The following RIN3 variants were observed in gnomAD, a reference collection of about 807,000 sequenced individuals.
RIN3 encodes Ras and Rab interactor 3, also known as RAB5 interacting protein 3.
A neutral mutation model predicts 76.3 loss-of-function variants in RIN3; 54 were observed. That is an observed-to-expected ratio of 0.71 (90% confidence interval 0.57 to 0.89). RIN3 has a LOEUF of 0.89. Among genes scored for constraint, RIN3 ranks in the 40% least tolerant of loss-of-function variants. The pLI, the probability that RIN3 is intolerant of heterozygous loss-of-function variation, is 0.00. For synonymous variants in RIN3, 576 were observed against 564.0 expected, an observed-to-expected ratio of 1.02 and a Z score of -0.30; for missense variants, 1,256 against 1,322.1, an observed-to-expected ratio of 0.95 and a Z score of 0.78.
chr14:92,594,548 T>A (rs1566859172), intron 3 of RIN3, among the ~76,000 whole-genome samples: 1 of 152,128 alleles, frequency 6.6e-6, no homozygotes, highest in Non-Finnish European at 1.5e-5. Context: ...CTTGGAGATT[T>A]AACAACACAC....
intron 4 of RIN3, among the ~76,000 whole-genome samples, chr14:92,621,543 G>A (rs898193609): frequency 6.6e-6 from 1 of 152,164 alleles, no homozygotes; most frequent in Non-Finnish European, 1.5e-5. Flanking sequence ...AAAACTGTTG[G>A]GGGTGGGGAG....
Position 92,623,809 on chromosome 14 carries a change from G to A in RIN3, c.440+8330G>A, listed in dbSNP as rs1566873161. Among the ~76,000 whole-genome samples the A allele has an allele frequency of 6.6e-6, 1 of 152,182 alleles. No individual in the cohort carries two copies. Among genetic ancestry groups the A allele is most frequent in the Non-Finnish European group, 1.5e-5 (1 of 68,044 alleles). On this transcript the variant is annotated intron_variant, in intron 4 of 9. Coordinates refer to ENST00000216487, the MANE Select transcript of RIN3 (RefSeq NM_024832.5). The surrounding 1 kb of genome is among the most constrained non-coding windows in gnomAD (Gnocchi z 4.9). ...ACTTAAGCTCACTGCATCCCTTTAG[G>A]TCCCCAAGAAACTCCAAATTTTTTC...
rs1415539973 is a variant in RIN3 at position 92,656,318 on chromosome 14, C to A, written c.2027-2843C>A. Among the ~76,000 whole-genome samples the A allele has an allele frequency of 5.9e-5, 9 of 152,200 alleles. No individual in the cohort carries two copies. Among genetic ancestry groups the A allele is most frequent in the African/African-American group, 2.2e-4 (9 of 41,438 alleles). On this transcript the variant is annotated intron_variant, in intron 6 of 9. Coordinates refer to ENST00000216487, the MANE Select transcript of RIN3 (RefSeq NM_024832.5). The surrounding 1 kb of genome is among the most constrained non-coding windows in gnomAD (Gnocchi z 5.2). ...GGCCATTCACACAGGCAGTGAAAGT[C>A]AGCCTGAGGATTTAGCCCAGAGGTG...
chr14:92,535,833 C>T (rs1191887405), intron 1 of RIN3, among the ~76,000 whole-genome samples: 1 of 135,866 alleles, frequency 7.4e-6, no homozygotes, highest in African/African-American at 2.8e-5. Flanking sequence ...TGCCACCACG[C>T]CTGGCTACTT....
At chr14:92,545,904 T>G (rs142136319) in intron 1 of RIN3, among the ~76,000 whole-genome samples, 1 of 146,260 alleles carries the variant, frequency 6.8e-6, no homozygotes, top group Non-Finnish European at 1.5e-5. Flanking sequence ...TGTGTAGCAT[T>G]GATTCTGGCC....
chr14:92,661,758 C>CACACACACACACACACACAAAA (rs373869994), intron 7 of RIN3, among the ~76,000 whole-genome samples: 1 of 133,238 alleles, frequency 7.5e-6, no homozygotes, highest in Admixed American at 7.3e-5. Context: ...CACACACACA[C>CACACACACACACACACACAAAA]AAAAAATAGA....
rs550687264 is a variant in RIN3 at position 92,583,883 on chromosome 14, C to T, written c.367+6406C>T. Among the ~76,000 whole-genome samples, 9 of 152,284 alleles carry T rather than the reference C, an allele frequency of 5.9e-5. No individual in the cohort carries two copies. In the South Asian group the frequency reaches 1.0e-3, roughly 18 times the overall value. ...TAGATTCTCATAAGGAGCCTGCAAC[C>T]GGGATCCCTTCCATGCACAGTTCAC... On this transcript the variant is annotated intron_variant, in intron 3 of 9. Transcript: ENST00000216487.
chr14:92,584,662 G>A (rs1884701686), intron 3 of RIN3, among the ~76,000 whole-genome samples: 2 of 152,134 alleles, frequency 1.3e-5, no homozygotes, highest in South Asian at 4.1e-4. Context: ...GGGATGTATG[G>A]GATGAAGGGC....
In RIN3 at chr14:92,651,685, C is replaced by G. The variant is rs769557411; in HGVS notation, c.636C>G (p.Pro212=). The G allele has an allele frequency of 6.2e-7, 1 of 1,613,986 alleles. No individual in the cohort carries two copies. Among genetic ancestry groups the G allele is most frequent in the African/African-American group, 1.3e-5 (1 of 74,900 alleles). ...PGFPLVSSLR[P]TAHDANCACE... is the part of the protein sequence containing the mutation. ...TCCCCCTAGTCTCCAGCCTCAGGCC[C>G]ACAGCCCATGACGCAAACTGTGCCT... The change falls in exon 6 of 10, where the codon CCC becomes CCG. Residue 212 remains proline (P), a synonymous_variant. Transcript: ENST00000216487.
In RIN3 at chr14:92,651,572, G is replaced by C. The variant is rs1380305070; in HGVS notation, c.533-10G>C. On this transcript the variant is annotated splice_polypyrimidine_tract_variant and intron_variant, in intron 5 of 9. Coordinates refer to ENST00000216487, the MANE Select transcript of RIN3 (RefSeq NM_024832.5). ...CAGACTGACCCCCTGCCCCTCTCTT[G>C]CTTCCACAGGTTTCTGGGACTCCTC... 1 of 1,414,054 alleles carries C rather than the reference G, an allele frequency of 7.1e-7. No individual in the cohort carries two copies. The highest frequency in any genetic ancestry group is 2.0e-5 in the Admixed American group (1 of 50,154). 87.6% of individuals were successfully genotyped at this position (1,414,054 alleles called of 1,614,324 possible).
chr14:92,588,813 T>C (rs1884878051), intron 3 of RIN3, among the ~76,000 whole-genome samples: 1 of 152,176 alleles, frequency 6.6e-6, no homozygotes, highest in Non-Finnish European at 1.5e-5. Flanking sequence ...ACCATACTAG[T>C]ACTAGCACGT....
chr14:92,538,431 C>G (rs888194419), intron 1 of RIN3, among the ~76,000 whole-genome samples: 7 of 152,112 alleles, frequency 4.6e-5, no homozygotes, highest in Non-Finnish European at 7.3e-5. Flanking sequence ...TTTCTTGAAC[C>G]CTTATTCTAT....
intron 1 of RIN3, among the ~76,000 whole-genome samples, chr14:92,544,437 CG>C: frequency 5.5e-5 from 2 of 36,436 alleles, no homozygotes; most frequent in East Asian, 1.4e-3. Flanking sequence ...GGGGTGGGGG[CG>C]GGGGTCCCAA....
At chr14:92,538,349 T>TA (rs1378743293) in intron 1 of RIN3, among the ~76,000 whole-genome samples, 3 of 152,210 alleles carry the variant, frequency 2.0e-5, no homozygotes, top group African/African-American at 4.8e-5. Flanking sequence ...TCTTTATAGG[T>TA]AAAAAATGGT....
chr14:92,525,857 G>A (rs1011463701), intron 1 of RIN3, among the ~76,000 whole-genome samples: 1 of 152,196 alleles, frequency 6.6e-6, no homozygotes, highest in Non-Finnish European at 1.5e-5. Context: ...AGGCAGTGCT[G>A]TGGCCACAGG....
intron 1 of RIN3, among the ~76,000 whole-genome samples, chr14:92,541,890 G>C (rs1897138877): frequency 6.6e-6 from 1 of 152,174 alleles, no homozygotes; most frequent in South Asian, 2.1e-4. Context: ...TATCTGATAA[G>C]GGGCTTATAT....
At chr14:92,531,569 C>T (rs1264791817) in intron 1 of RIN3, among the ~76,000 whole-genome samples, 1 of 152,222 alleles carries the variant, frequency 6.6e-6, no homozygotes, top group Non-Finnish European at 1.5e-5. Flanking sequence ...AGCGTCAGGA[C>T]TGTAGTCGGC....
intron 3 of RIN3, among the ~76,000 whole-genome samples, chr14:92,588,257 C>A (rs1476620488): frequency 9.6e-6 from 1 of 104,636 alleles, no homozygotes. Context: ...GATGGAGTTT[C>A]GCTCTTGTTG....
chr14:92,575,146 A>G (rs1257239885), intron 2 of RIN3, among the ~76,000 whole-genome samples: 2 of 152,218 alleles, frequency 1.3e-5, no homozygotes, highest in African/African-American at 4.8e-5. Context: ...TATTTTATTA[A>G]CAATTATATA....
Sources: gnomAD v4.1 joint callset for allele counts (sites outside exome capture counted in the v4.1 genomes callset) on GRCh38, gnomAD v4.1.1 for gene constraint, Gnocchi (gnomAD v3.1) non-coding constraint, MANE v1.5 for transcripts, NCBI Gene and HGNC (gene_info 2026-07-23, HGNC 2026-07-21) for gene names.